SMAD2: variants seen among roughly 807,000 people sequenced by gnomAD.
SMAD2 encodes the protein SMAD family member 2, also known as MAD homolog 2.
A neutral mutation model predicts 64.4 loss-of-function variants in SMAD2; 8 were observed. That is an observed-to-expected ratio of 0.12 (90% CI 0.07 to 0.22). SMAD2 has a LOEUF of 0.22. SMAD2 is among the 10% of genes least tolerant of loss of function. The pLI, the probability that SMAD2 is intolerant of heterozygous loss-of-function variation, is 1.00. For synonymous variants in SMAD2, 203 were observed against 195.8 expected (o/e 1.04, Z -0.31); for missense variants, 289 against 561.2 (o/e 0.51, Z 4.90).
chr18:47,841,847 G>A lies in SMAD2; in HGVS notation c.1384C>T (p.Arg462Cys), dbSNP rs2144276135. ...AAGCTTTATGACATGCTTGAGCAAC[G>A]CACTGAAGGGGATCCCATCTGAGTT... ...VLTQMGSPSV[R>C]CSSMS is the part of the protein sequence containing the mutation. The change falls in exon 11 of 11, where the codon CGT becomes TGT. Residue 462 changes from arginine to cysteine, a missense_variant. By Grantham distance (180) the Arg-to-Cys change is radical. Transcript: ENST00000262160. The A allele has an allele frequency of 1.9e-6, 3 of 1,614,094 alleles. No homozygotes were observed. The highest frequency in any genetic ancestry group is 1.7e-5 in the Admixed American group (1 of 60,034).
rs1291752816 is a variant in SMAD2 at position 47,824,292 on chromosome 18, G to C, written c.*17535C>G. On this transcript the variant is annotated 3_prime_UTR_variant, in exon 11 of 11. Transcript: ENST00000262160. ...GAGGGATTTTACGCACTACCTCAAA[G>C]ACCCAGAAGAAACCACGCCAGCTTG... The C allele has an allele frequency of 6.6e-6, 1 of 152,212 alleles. No homozygotes were observed. The highest frequency in any genetic ancestry group is 1.5e-5 in the Non-Finnish European group (1 of 68,056). 9.4% of individuals were successfully genotyped at this position (152,212 alleles called of 1,614,324 possible). A position where few individuals can be genotyped will look rare whatever the true frequency, so the allele number is the denominator to read the frequency against.
chr18:47,833,239 A>T lies in SMAD2; in HGVS notation c.*8588T>A, dbSNP rs951495217. 120 of 211,752 alleles carry T rather than the reference A, an allele frequency of 5.7e-4. No individual in the cohort carries two copies. The highest frequency in any genetic ancestry group is 2.4e-3 in the African/African-American group (104 of 44,244). 13.1% of individuals were successfully genotyped at this position (211,752 alleles called of 1,614,324 possible). ...CAGATGATGCACACAAATATATATA[A>T]AAATTGACCAGAAATCACAGGACAT... On this transcript the variant is annotated 3_prime_UTR_variant, in exon 11 of 11. Coordinates refer to ENST00000262160, the MANE Select transcript of SMAD2 (RefSeq NM_005901.6).
At chr18:47,898,843 T>A (rs2144483516) in intron 1 of SMAD2, among the ~76,000 whole-genome samples, 1 of 152,152 alleles carries the variant, frequency 6.6e-6, no homozygotes, top group African/African-American at 2.4e-5. Context: ...TATTTGCACT[T>A]CCTTGGCAGC....
At chr18:47,888,965 A>G (rs531139429) in intron 2 of SMAD2, among the ~76,000 whole-genome samples, 114 of 152,324 alleles carry the variant, frequency 7.5e-4, no homozygotes, top group African/African-American at 2.6e-3. Flanking sequence ...TTTGGGGTCT[A>G]TAATATCAAA....
chr18:47,815,910 T>C lies in SMAD2; in HGVS notation c.*25917A>G, dbSNP rs1205323669. The C allele has an allele frequency of 6.6e-6, 1 of 152,192 alleles. No homozygotes were observed. Among genetic ancestry groups the C allele is most frequent in the Admixed American group, 6.5e-5 (1 of 15,272 alleles). The allele number at this position is 152,192 out of a possible 1,614,324, so 9.4% of individuals were successfully genotyped here. ...AGGAATAATTGACCTATGTATGAGT[T>C]CTAGAGAAGCCTTGCAGACTTACCC... On this transcript the variant is annotated 3_prime_UTR_variant, in exon 11 of 11. Coordinates refer to ENST00000262160, the MANE Select transcript of SMAD2 (RefSeq NM_005901.6).
At chr18:47,896,217 A>C (rs1045288204) in intron 2 of SMAD2, among the ~76,000 whole-genome samples, 1 of 152,252 alleles carries the variant, frequency 6.6e-6, no homozygotes, top group Middle Eastern at 3.2e-3. Flanking sequence ...CTACTATGTT[A>C]GTGATAGAAA....
chr18:47,925,162 C>G (rs2034714962), intron 1 of SMAD2, among the ~76,000 whole-genome samples: 2 of 152,210 alleles, frequency 1.3e-5, no homozygotes, highest in South Asian at 2.1e-4. Flanking sequence ...CAACTAAAGT[C>G]TATCCTCGCT....
At chr18:47,845,937 G>T in intron 8 of SMAD2, 137 bp from the exon 9 acceptor site, 2 of 761,370 alleles carry the variant, frequency 2.6e-6, no homozygotes, top group East Asian at 2.6e-5. Context: ...TCTTTCTGAA[G>T]TCTAACTTTA....
At chr18:47,910,736 G>T (rs1172574255) in intron 1 of SMAD2, among the ~76,000 whole-genome samples, 1 of 151,988 alleles carries the variant, frequency 6.6e-6, no homozygotes, top group African/African-American at 2.4e-5. Flanking sequence ...TTCTTAGTAG[G>T]TTTCTTTTCT....
intron 1 of SMAD2, among the ~76,000 whole-genome samples, chr18:47,906,979 GTC>G (rs1322138704): frequency 6.6e-6 from 1 of 152,020 alleles, no homozygotes; most frequent in Non-Finnish European, 1.5e-5. Flanking sequence ...CATCTGTAAA[GTC>G]TCTCTTGCCA....
At chr18:47,884,631 A>G (rs1420969123) in intron 2 of SMAD2, among the ~76,000 whole-genome samples, 3 of 152,196 alleles carry the variant, frequency 2.0e-5, no homozygotes, top group Non-Finnish European at 4.4e-5. Context: ...ATTTCTTTGG[A>G]CAAGTAAATT....
intron 5 of SMAD2, chr18:47,866,857 T>C (rs1184194550): frequency 6.6e-6 from 1 of 152,134 alleles, no homozygotes; most frequent in African/African-American, 2.4e-5. Flanking sequence ...ATCTCAATAA[T>C]TAAAGGAATA....
chr18:47,906,623 C>T (rs1044632559), intron 1 of SMAD2, among the ~76,000 whole-genome samples: 1 of 152,092 alleles, frequency 6.6e-6, no homozygotes, highest in African/African-American at 2.4e-5. Context: ...AACAAATAAT[C>T]GCAATCACAG....
chr18:47,896,123 C>A (rs1242109030), intron 2 of SMAD2, among the ~76,000 whole-genome samples: 1 of 152,172 alleles, frequency 6.6e-6, no homozygotes, highest in African/African-American at 2.4e-5. Flanking sequence ...CAAAGAAAAA[C>A]CATATAAAAT....
At chr18:47,883,104 T>C (rs141243094) in intron 2 of SMAD2, among the ~76,000 whole-genome samples, 230 of 152,352 alleles carry the variant, frequency 1.5e-3, no homozygotes, top group African/African-American at 5.4e-3. Context: ...CTACTTACTT[T>C]CTATTTTATC....
rs2144269127 is a variant in SMAD2 at position 47,838,905 on chromosome 18, T to G, written c.*2922A>C. 1 of 232,992 alleles carries G rather than the reference T, an allele frequency of 4.3e-6. No individual in the cohort carries two copies. Among genetic ancestry groups the G allele is most frequent in the South Asian group, 1.8e-4 (1 of 5,512 alleles). The allele number at this position is 232,992 out of a possible 1,614,324, so 14.4% of individuals were successfully genotyped here. A position where few individuals can be genotyped will look rare whatever the true frequency, so the allele number is the denominator to read the frequency against. On this transcript the variant is annotated 3_prime_UTR_variant, in exon 11 of 11. Transcript: ENST00000262160. ...CATTCCTAGAAAATTAACAGTATTG[T>G]GAAGAATAAATCCTAAGTAATGTTG... is the stretch of plus-strand genomic sequence containing the variant.
At chr18:47,846,088 T>TAG (rs759002714) in intron 8 of SMAD2, among the ~76,000 whole-genome samples, 2 of 152,136 alleles carry the variant, frequency 1.3e-5, no homozygotes, top group Non-Finnish European at 2.9e-5. Flanking sequence ...ATGATATATA[T>TAG]TAAGATAAGT....
chr18:47,884,298 T>A (rs1019410475), intron 2 of SMAD2, among the ~76,000 whole-genome samples: 1 of 152,156 alleles, frequency 6.6e-6, no homozygotes, highest in Admixed American at 6.5e-5. Context: ...CTCTTACACA[T>A]ATTAAACCGC....
intron 7 of SMAD2, among the ~76,000 whole-genome samples, chr18:47,849,487 G>GTATATATATA (rs10584029): frequency 6.7e-6 from 1 of 148,278 alleles, no homozygotes; most frequent in African/African-American, 2.5e-5. Flanking sequence ...AGAAATGTAT[G>GTATATATATA]TATATATATA....
Sources: allele counts gnomAD v4.1 joint callset (sites outside exome capture counted in the v4.1 genomes callset), GRCh38; gene constraint gnomAD v4.1.1; transcripts MANE v1.5; gene names NCBI Gene and HGNC (gene_info 2026-07-23, HGNC 2026-07-21).